Variants in CAPZB observed in about 807,000 individuals in gnomAD.
CAPZB encodes the protein capping actin protein of muscle Z-line subunit beta, also known as F-actin-capping protein subunit beta.
CAPZB carries 2 observed loss-of-function variants against 38.1 expected under a neutral mutation model. The observed-to-expected ratio is 0.05, with a 90% CI of 0.02 to 0.17. The LOEUF is 0.17. Ranked by LOEUF, CAPZB falls within the 10% of genes least tolerant of loss-of-function variation. The probability of loss-of-function intolerance (pLI) is 1.00; values close to 1 mark genes in which losing one functional copy is unlikely to be tolerated. For synonymous variants in CAPZB, 107 were observed against 127.4 expected (o/e 0.84, Z 1.08); for missense variants, 161 against 334.2 (o/e 0.48, Z 4.04).
intron 1 of CAPZB, chr1:19,484,478 GA>G: frequency 6.9e-7 from 1 of 1,439,624 alleles, no homozygotes; most frequent in Non-Finnish European, 9.2e-7. Flanking sequence ...GCAGCCTCGA[GA>G]AGGGCCCGCA....
At position 19,357,368 on chromosome 1, in the gene CAPZB, T is replaced by G; in HGVS notation, c.471+54A>C. On this transcript the variant is annotated intron_variant, in intron 5 of 8. Coordinates refer to ENST00000264202, the MANE Select transcript of CAPZB (RefSeq NM_004930.5). The surrounding 1 kb of genome is among the most constrained non-coding windows in gnomAD (Gnocchi z 4.3). ...TGTTAGAGAGCAGCGCGGCACTGGT[T>G]GGTGTGCCATCTGTACTTAGTGGCC... is the stretch of plus-strand genomic sequence containing the variant. 6.5e-7 allele frequency: 1 copy of G among 1,549,476 alleles called. No individual in the cohort carries two copies. The highest frequency in any genetic ancestry group is 8.9e-7 in the Non-Finnish European group (1 of 1,123,598).
chr1:19,347,977 G>T (rs548441059), intron 6 of CAPZB, among the ~76,000 whole-genome samples: 1 of 152,180 alleles, frequency 6.6e-6, no homozygotes, highest in Non-Finnish European at 1.5e-5. Context: ...TACAAAATGG[G>T]GAACTGCTGA....
At chr1:19,441,183 C>T (rs1475286421) in intron 1 of CAPZB, among the ~76,000 whole-genome samples, 2 of 152,230 alleles carry the variant, frequency 1.3e-5, no homozygotes, top group Non-Finnish European at 2.9e-5. Context: ...ACGTGAATCC[C>T]AGTTAGCTCA....
chr1:19,466,015 A>G (rs775735157), intron 1 of CAPZB, among the ~76,000 whole-genome samples: 9 of 152,298 alleles, frequency 5.9e-5, no homozygotes, highest in East Asian at 1.9e-4. Context: ...CTACACAGCT[A>G]AAAGTGTAAG....
At chr1:19,408,247 C>T (rs931607221) in intron 2 of CAPZB, among the ~76,000 whole-genome samples, 3 of 152,238 alleles carry the variant, frequency 2.0e-5, no homozygotes, top group African/African-American at 7.2e-5. Context: ...GTGAGCCAAT[C>T]GGCCCTAGGA....
At chr1:19,428,151 C>T (rs971525987) in intron 1 of CAPZB, among the ~76,000 whole-genome samples, 2 of 152,156 alleles carry the variant, frequency 1.3e-5, no homozygotes, top group Admixed American at 1.3e-4. Context: ...GCCTGTAATC[C>T]CAGCACTTTG....
At chr1:19,478,136 C>T (rs1489067209) in intron 1 of CAPZB, among the ~76,000 whole-genome samples, 1 of 152,154 alleles carries the variant, frequency 6.6e-6, no homozygotes, top group African/African-American at 2.4e-5. Context: ...GCTCTTGAGA[C>T]CAGAAACCCT....
chr1:19,455,901 T>A (rs183531865), intron 1 of CAPZB, among the ~76,000 whole-genome samples: 2 of 152,340 alleles, frequency 1.3e-5, no homozygotes, highest in East Asian at 3.9e-4. Flanking sequence ...TATAAGATTC[T>A]TATATGCAAG....
intron 4 of CAPZB, among the ~76,000 whole-genome samples, chr1:19,370,730 C>A (rs2094115556): frequency 6.6e-6 from 1 of 152,148 alleles, no homozygotes; most frequent in African/African-American, 2.4e-5. Flanking sequence ...GCCAAGCTGG[C>A]AAGCATGCCT....
intron 4 of CAPZB, among the ~76,000 whole-genome samples, chr1:19,371,378 C>A (rs749250990): frequency 1.3e-5 from 2 of 152,184 alleles, no homozygotes; most frequent in Non-Finnish European, 2.9e-5. Context: ...TTAGAAGAGC[C>A]CTGTCACCCA....
At chr1:19,461,096 C>CGGGGGGGGGGGGG (rs67195695) in intron 1 of CAPZB, among the ~76,000 whole-genome samples, 18 of 113,102 alleles carry the variant, frequency 1.6e-4, no homozygotes, top group Non-Finnish European at 2.7e-4. Flanking sequence ...TGGGCGGGGG[C>CGGGGGGGGGGGGG]GGGGGGGGGA....
At chr1:19,473,408 AG>A (rs1481845980) in intron 1 of CAPZB, among the ~76,000 whole-genome samples, 3 of 152,214 alleles carry the variant, frequency 2.0e-5, no homozygotes, top group Non-Finnish European at 4.4e-5. Context: ...GCCTAATCCA[AG>A]TCCCCTTGCA....
At position 19,352,518 on chromosome 1, in the gene CAPZB, T is replaced by C. The variant is rs538001143; in HGVS notation, c.588+4117A>G. Reference sequence around the variant, plus strand: ...AGGAGAAGTGACCTCTCAGTACAACTTCCTTTTCAACATTTTGGAACTTGG... The same window carrying C: ...AGGAGAAGTGACCTCTCAGTACAACCTCCTTTTCAACATTTTGGAACTTGG... On this transcript the variant is annotated intron_variant, in intron 6 of 8. Transcript: ENST00000264202. Among the ~76,000 whole-genome samples, 279 of 152,368 alleles carry C rather than the reference T, an allele frequency of 1.8e-3. 1 individual carries two copies. The highest frequency in any genetic ancestry group is 3.3e-3 in the Non-Finnish European group (226 of 68,032).
At chr1:19,391,025 C>T (rs2094231199) in intron 2 of CAPZB, among the ~76,000 whole-genome samples, 1 of 152,064 alleles carries the variant, frequency 6.6e-6, no homozygotes, top group African/African-American at 2.4e-5. Flanking sequence ...CAGTTATATA[C>T]AGCACAGCTA....
At chr1:19,448,787 G>C in intron 1 of CAPZB, 1 of 1,609,346 alleles carries the variant, frequency 6.2e-7, no homozygotes, top group Non-Finnish European at 8.5e-7. Context: ...GATGGCCACG[G>C]CCACCTGTTG....
At chr1:19,369,691 C>A (rs1283491141) in intron 4 of CAPZB, among the ~76,000 whole-genome samples, 2 of 152,242 alleles carry the variant, frequency 1.3e-5, no homozygotes, top group African/African-American at 4.8e-5. Context: ...GCCTTTACAT[C>A]TGGGGAAAGG....
intron 4 of CAPZB, among the ~76,000 whole-genome samples, chr1:19,378,062 G>A (rs1159703281): frequency 6.6e-6 from 1 of 152,174 alleles, no homozygotes; most frequent in Non-Finnish European, 1.5e-5. Flanking sequence ...AGATAAACAG[G>A]TCTGACTTTA....
intron 2 of CAPZB, among the ~76,000 whole-genome samples, chr1:19,410,191 C>T (rs905564869): frequency 1.3e-5 from 2 of 152,126 alleles, no homozygotes; most frequent in Non-Finnish European, 2.9e-5. Flanking sequence ...TAGGTGACTG[C>T]CTTTAAATTA....
chr1:19,342,494 CA>C (rs748584190), intron 8 of CAPZB, among the ~76,000 whole-genome samples: 11 of 152,346 alleles, frequency 7.2e-5, no homozygotes, highest in Admixed American at 1.3e-4. Flanking sequence ...TGGGCTTCTT[CA>C]GAAGCAAAAG....
Sources: gnomAD v4.1 joint callset for allele counts (sites outside exome capture counted in the v4.1 genomes callset) on GRCh38, gnomAD v4.1.1 for gene constraint, Gnocchi (gnomAD v3.1) non-coding constraint, MANE v1.5 for transcripts, NCBI Gene and HGNC (gene_info 2026-07-23, HGNC 2026-07-21) for gene names.